DERL2: variants seen among roughly 807,000 people sequenced by gnomAD.
The protein encoded by DERL2 is derlin 2.
Under a neutral mutation model 32.0 loss-of-function variants are expected in DERL2, and 13 were observed. That is an observed-to-expected ratio of 0.41 (90% CI 0.26 to 0.65). The LOEUF is 0.65. Among genes scored for constraint, DERL2 ranks in the 30% least tolerant of loss-of-function variants. The pLI, the probability that DERL2 is intolerant of heterozygous loss-of-function variation, is 0.35. For missense variants in DERL2, 208 were observed against 296.3 expected (o/e 0.70, Z 2.19); for synonymous variants, 111 against 104.7 (o/e 1.06, Z -0.37).
chr17:5,482,826 TA>T lies in DERL2; in HGVS notation c.215del (p.Leu72TyrfsTer4). On this transcript the variant is annotated frameshift_variant, in exon 3 of 7. Coordinates refer to ENST00000158771, the MANE Select transcript of DERL2 (RefSeq NM_016041.5). LOFTEE classifies it high-confidence loss of function. ...AAGGATACAGAAAAATCATGTTAAA[TA>T]AAAAATTGAATCCAACTGGCCCAAA... Reference protein sequence around the residue: ...LFFGPVGFNFLFNMIFLYRYC... With the variant: ...LFFGPVGFNFXFNMIFLYRYC... 4 of 1,512,644 alleles carry T rather than the reference TA, an allele frequency of 2.6e-6. No individual in the cohort carries two copies. Among genetic ancestry groups the T allele is most frequent in the Non-Finnish European group, 1.8e-6 (2 of 1,107,282 alleles). The allele number at this position is 1,512,644 out of a possible 1,614,324, so 93.7% of individuals were successfully genotyped here.
intron 3 of DERL2, 60 bp downstream of exon 3, chr17:5,482,749 A>G: frequency 1.0e-6 from 1 of 977,038 alleles, no homozygotes; most frequent in Non-Finnish European, 1.6e-6. Flanking sequence ...AAAAGTTTCA[A>G]CTTAATTTTT....
chr17:5,485,240 A>G, intron 1 of DERL2, 24 bp from the exon 2 acceptor site: 1 of 1,491,902 alleles, frequency 6.7e-7, no homozygotes, highest in South Asian at 1.2e-5. Flanking sequence ...AGAGCTTCTT[A>G]AAGCAAATCA....
At chr17:5,483,965 A>G (rs1384969908) in intron 2 of DERL2, among the ~76,000 whole-genome samples, 1 of 152,228 alleles carries the variant, frequency 6.6e-6, no homozygotes, top group Non-Finnish European at 1.5e-5. Context: ...TCTACATATT[A>G]ATTATCCAGA....
intron 2 of DERL2, among the ~76,000 whole-genome samples, chr17:5,484,226 G>A (rs1044430487): frequency 6.6e-6 from 1 of 152,168 alleles, no homozygotes; most frequent in Non-Finnish European, 1.5e-5. Flanking sequence ...GATCATCCTG[G>A]AACAGAAAAA....
rs1432075800 is a variant in DERL2 at position 5,473,415 on chromosome 17, T to C, written c.*1269A>G. ...TGGACCCTGTCTAATTTCTACCTGATTGGGAAGGTAATCCAGGTACTTGGC... is the reference window on the plus strand; with the variant it reads ...TGGACCCTGTCTAATTTCTACCTGACTGGGAAGGTAATCCAGGTACTTGGC... On this transcript the variant is annotated 3_prime_UTR_variant, in exon 7 of 7. Coordinates refer to ENST00000158771, the MANE Select transcript of DERL2 (RefSeq NM_016041.5). 2 of 152,096 alleles carry C rather than the reference T, an allele frequency of 1.3e-5. No homozygotes were observed. The highest frequency in any genetic ancestry group is 2.9e-5 in the Non-Finnish European group (2 of 68,028). 9.4% of individuals were successfully genotyped at this position (152,096 alleles called of 1,614,324 possible).
rs1905272146 is a variant in DERL2, at chr17:5,474,609, G to C, written c.*75C>G. On this transcript the variant is annotated 3_prime_UTR_variant, in exon 7 of 7. Transcript: ENST00000158771. The surrounding 1 kb of genome is among the most constrained non-coding windows in gnomAD (Gnocchi z 4.3). ...AGCTGTCAAAAGTGTCCACACTTTT[G>C]CAACAAAGGATAAAAGATCCCAGTG... The C allele has an allele frequency of 5.9e-6, 7 of 1,182,710 alleles. No homozygotes were observed. Among genetic ancestry groups the C allele is most frequent in the Non-Finnish European group, 8.4e-6 (7 of 829,882 alleles). The allele number at this position is 1,182,710 out of a possible 1,614,324, so 73.3% of individuals were successfully genotyped here.
intron 6 of DERL2, among the ~76,000 whole-genome samples, chr17:5,475,075 T>C (rs547658279): frequency 2.5e-4 from 38 of 152,194 alleles, no homozygotes; most frequent in Non-Finnish European, 3.1e-4. Flanking sequence ...GTAACTATTG[T>C]CAATGTTTTA....
At chr17:5,478,858 C>G (rs938066480) in intron 6 of DERL2, among the ~76,000 whole-genome samples, 2 of 152,188 alleles carry the variant, frequency 1.3e-5, no homozygotes, top group African/African-American at 4.8e-5. Flanking sequence ...GCCACTCTGT[C>G]CCCCAGCCCG....
At chr17:5,483,349 TAA>T (rs35004532) in intron 2 of DERL2, among the ~76,000 whole-genome samples, 6 of 135,968 alleles carry the variant, frequency 4.4e-5, no homozygotes, top group Non-Finnish European at 3.2e-5. Flanking sequence ...AACTAAAACT[TAA>T]AAAAAAAAAA....
intron 2 of DERL2, 50 bp downstream of exon 2, chr17:5,485,101 A>C (rs751591186): frequency 2.1e-5 from 28 of 1,338,200 alleles, no homozygotes; most frequent in Admixed American, 2.3e-5. Context: ...CTAAACAGTA[A>C]GAAAAAGAAG....
Position 5,479,496 on chromosome 17 carries a change from T to TAA in DERL2, c.614+556_614+557dup, listed in dbSNP as rs11306765. 2.1e-3 allele frequency among the ~76,000 whole-genome samples: 143 copies of TAA among 69,404 alleles called. 1 individual carries two copies. Among genetic ancestry groups the TAA allele is most frequent in the Middle Eastern group, 9.6e-3 (1 of 104 alleles). 45.5% of individuals were successfully genotyped at this position (69,404 alleles called of 152,430 possible). On this transcript the variant is annotated intron_variant, in intron 6 of 6. Transcript: ENST00000158771. ...CTAGGTAACAGAGTGAGACTCCATG[T>TAA]AAAAAAAAAAAAAAAAAAAAAAAAA... is the stretch of plus-strand genomic sequence containing the variant.
Position 5,471,854 on chromosome 17 carries a change from A to G in DERL2, c.*2830T>C, listed in dbSNP as rs958635786. 1 of 152,202 alleles carries G rather than the reference A, an allele frequency of 6.6e-6. No individual in the cohort carries two copies. Among genetic ancestry groups the G allele is most frequent in the Non-Finnish European group, 1.5e-5 (1 of 68,024 alleles). 9.4% of individuals were successfully genotyped at this position (152,202 alleles called of 1,614,324 possible). ...TAAAACACTGGCAGGATAGATGACA[A>G]TAGTTCTAGGAAGCCCATTACTCAA... On this transcript the variant is annotated 3_prime_UTR_variant, in exon 7 of 7. Coordinates refer to ENST00000158771, the MANE Select transcript of DERL2 (RefSeq NM_016041.5).
chr17:5,482,048 A>G (rs1905825589), intron 3 of DERL2, among the ~76,000 whole-genome samples: 1 of 152,236 alleles, frequency 6.6e-6, no homozygotes, highest in South Asian at 2.1e-4. Context: ...CTAACTTGGA[A>G]GAAATCCGCA....
In DERL2 at chr17:5,486,114, G is replaced by C. The variant is rs1906258227; in HGVS notation, c.48C>G (p.Val16=). ...LRLEYLQIPP[V]SRAYTTACVL... ...CGCAGGCAGTGGTGTAGGCGCGGCTGACCGGTGGGATCTGCAGGTACTCCA... is the reference window on the plus strand; with the variant it reads ...CGCAGGCAGTGGTGTAGGCGCGGCTCACCGGTGGGATCTGCAGGTACTCCA... The change falls in exon 1 of 7, where the codon GTC becomes GTG. Residue 16 remains valine (V), a synonymous_variant. Coordinates refer to ENST00000158771, the MANE Select transcript of DERL2 (RefSeq NM_016041.5). The C allele has an allele frequency of 6.2e-7, 1 of 1,611,850 alleles. No homozygotes were observed. Among genetic ancestry groups the C allele is most frequent in the Non-Finnish European group, 8.5e-7 (1 of 1,179,304 alleles).
At chr17:5,477,037 G>A (rs17710957) in intron 6 of DERL2, among the ~76,000 whole-genome samples, 2 of 152,242 alleles carry the variant, frequency 1.3e-5, no homozygotes, top group South Asian at 2.1e-4. Context: ...AGACTATCCC[G>A]AAAGACTGGT....
Position 5,479,496 on chromosome 17 carries a change from TAAAAAAAA to T in DERL2, c.614+550_614+557del, listed in dbSNP as rs11306765. Among the ~76,000 whole-genome samples the T allele has an allele frequency of 7.3e-4, 51 of 69,424 alleles. 1 individual carries two copies. The highest frequency in any genetic ancestry group is 1.7e-3 in the African/African-American group (39 of 23,070). The allele number at this position is 69,424 out of a possible 152,430, so 45.5% of individuals were successfully genotyped here. A position where few individuals can be genotyped will look rare whatever the true frequency, so the allele number is the denominator to read the frequency against. On this transcript the variant is annotated intron_variant, in intron 6 of 6. Transcript: ENST00000158771. ...CTAGGTAACAGAGTGAGACTCCATG[TAAAAAAAA>T]AAAAAAAAAAAAAAAAAAAAAAGAA...
At position 5,473,149 on chromosome 17, in the gene DERL2, T is replaced by C. The variant is rs1905196813; in HGVS notation, c.*1535A>G. ...AGGACAATGTCACATTCTGGAAAGC[T>C]ACCCCTTAACAAAGGTTGAATGAAC... On this transcript the variant is annotated 3_prime_UTR_variant, in exon 7 of 7. Coordinates refer to ENST00000158771, the MANE Select transcript of DERL2 (RefSeq NM_016041.5). 1 of 152,248 alleles carries C rather than the reference T, an allele frequency of 6.6e-6. No homozygotes were observed. The highest frequency in any genetic ancestry group is 1.5e-5 in the Non-Finnish European group (1 of 68,044). 9.4% of individuals were successfully genotyped at this position (152,248 alleles called of 1,614,324 possible). A position where few individuals can be genotyped will look rare whatever the true frequency, so the allele number is the denominator to read the frequency against.
In DERL2 at chr17:5,481,195, C is replaced by T. The variant is rs1905756321; in HGVS notation, c.327+101G>A. 1 of 871,438 alleles carries T rather than the reference C, an allele frequency of 1.1e-6. No individual in the cohort carries two copies. The highest frequency in any genetic ancestry group is 2.1e-5 in the Admixed American group (1 of 48,376). The allele number at this position is 871,438 out of a possible 1,614,324, so 54.0% of individuals were successfully genotyped here. Reference sequence around the variant, plus strand: ...TGTGCTGTAAAATAAATGATAGTGCCCTGAAGCTAAGATCTAGAGAACTGT... The same window carrying T: ...TGTGCTGTAAAATAAATGATAGTGCTCTGAAGCTAAGATCTAGAGAACTGT... On this transcript the variant is annotated intron_variant, in intron 4 of 6. Transcript: ENST00000158771. The surrounding 1 kb of genome is among the most constrained non-coding windows in gnomAD (Gnocchi z 4.4).
At chr17:5,480,275 G>T in intron 5 of DERL2, 112 bp downstream of exon 5, 6 of 1,241,562 alleles carry the variant, frequency 4.8e-6, no homozygotes, top group Non-Finnish European at 6.8e-6. Flanking sequence ...AACTAATATT[G>T]TGGTATTTTA....
Sources: allele counts gnomAD v4.1 joint callset (sites outside exome capture counted in the v4.1 genomes callset), GRCh38; gene constraint gnomAD v4.1.1; non-coding constraint Gnocchi (gnomAD v3.1); transcripts MANE v1.5; gene names NCBI Gene and HGNC (gene_info 2026-07-23, HGNC 2026-07-21).